Variants in ZMYM4 observed in about 807,000 individuals in gnomAD.
ZMYM4 encodes zinc finger MYM-type containing 4.
A neutral mutation model predicts 183.2 loss-of-function variants in ZMYM4; 31 were observed. The observed-to-expected ratio is 0.17, with a 90% CI of 0.13 to 0.23. The LOEUF (loss-of-function observed/expected upper bound fraction) is 0.23, where lower values mean the gene tolerates loss of function less well. ZMYM4 is among the 10% of genes least tolerant of loss of function. The probability of loss-of-function intolerance (pLI) is 1.00; values close to 1 mark genes in which losing one functional copy is unlikely to be tolerated. For missense variants in ZMYM4, 1,273 were observed against 1,840.3 expected, an observed-to-expected ratio of 0.69 and a Z score of 5.64; for synonymous variants, 592 against 631.2, an observed-to-expected ratio of 0.94 and a Z score of 0.93.
chr1:35,406,446 A>G (rs1215197213), intron 25 of ZMYM4, among the ~76,000 whole-genome samples: 1 of 152,148 alleles, frequency 6.6e-6, no homozygotes, highest in Non-Finnish European at 1.5e-5. Context: ...CCTAAGCCCA[A>G]GAGTTCTGAG....
Position 35,415,551 on chromosome 1 carries a change from C to A in ZMYM4, c.4146C>A (p.Thr1382=). The part of the protein sequence containing the change: ...GAYSPIVLLN[T]LLFFNTKYFQ... ...ACTCACCAATCGTCCTTTTAAACACCCTCCTTTTCTTCAATACCAAATACT... is the reference window on the plus strand; with the variant it reads ...ACTCACCAATCGTCCTTTTAAACACACTCCTTTTCTTCAATACCAAATACT... Residue 1382 remains threonine, a synonymous_variant, in exon 28 of 30, where the codon ACC becomes ACA. Coordinates refer to ENST00000314607, the MANE Select transcript of ZMYM4 (RefSeq NM_005095.3). 1.2e-6 allele frequency: 2 copies of A among 1,614,098 alleles called. No individual in the cohort carries two copies. Among genetic ancestry groups the A allele is most frequent in the South Asian group, 2.2e-5 (2 of 91,078 alleles).
At chr1:35,308,441 C>T (rs533306465) in intron 1 of ZMYM4, among the ~76,000 whole-genome samples, 1 of 152,310 alleles carries the variant, frequency 6.6e-6, no homozygotes, top group Non-Finnish European at 1.5e-5. Context: ...TGAGAAATTT[C>T]AGACTTTTAG....
At chr1:35,415,386 C>T (rs1317236637) in intron 27 of ZMYM4, 80 bp from the exon 28 acceptor site, 2 of 1,557,544 alleles carry the variant, frequency 1.3e-6, no homozygotes, top group Middle Eastern at 1.7e-4. Context: ...TTATATCTCC[C>T]TGTCTTAGAA....
At chr1:35,272,174 T>G (rs928999526) in intron 1 of ZMYM4, among the ~76,000 whole-genome samples, 14 of 152,222 alleles carry the variant, frequency 9.2e-5, no homozygotes, top group Admixed American at 7.9e-4. Context: ...CTTTGGAAAT[T>G]GACTGCCTTG....
intron 1 of ZMYM4, among the ~76,000 whole-genome samples, chr1:35,297,298 A>G (rs936041644): frequency 2.0e-5 from 3 of 152,158 alleles, no homozygotes; most frequent in Admixed American, 6.6e-5. Context: ...ATTTTCAGCA[A>G]TATCAACCTG....
intron 13 of ZMYM4, among the ~76,000 whole-genome samples, chr1:35,387,962 C>A (rs989412056): frequency 6.6e-6 from 1 of 152,088 alleles, no homozygotes; most frequent in Non-Finnish European, 1.5e-5. Context: ...TAAGTTTATA[C>A]TTTTATTGTC....
chr1:35,282,721 A>G (rs993218656), intron 1 of ZMYM4, among the ~76,000 whole-genome samples: 1 of 151,908 alleles, frequency 6.6e-6, no homozygotes, highest in Non-Finnish European at 1.5e-5. Flanking sequence ...ATGCCCAGCT[A>G]ATTTTAGTTT....
chr1:35,339,706 ATT>A (rs1389868608), intron 2 of ZMYM4, among the ~76,000 whole-genome samples: 1 of 152,052 alleles, frequency 6.6e-6, no homozygotes. Flanking sequence ...ACTGTATATT[ATT>A]TCCTAAAATC....
At chr1:35,305,775 C>T (rs1641508767) in intron 1 of ZMYM4, among the ~76,000 whole-genome samples, 1 of 151,746 alleles carries the variant, frequency 6.6e-6, no homozygotes, top group African/African-American at 2.4e-5. Context: ...TCTCCAACTC[C>T]AGGCCTCAAG....
intron 1 of ZMYM4, among the ~76,000 whole-genome samples, chr1:35,285,053 T>G (rs896396673): frequency 6.6e-6 from 1 of 152,210 alleles, no homozygotes; most frequent in African/African-American, 2.4e-5. Context: ...CCTGTTCTTG[T>G]GTCAGTACTA....
At chr1:35,383,638 G>A (rs920224185) in intron 9 of ZMYM4, among the ~76,000 whole-genome samples, 1 of 152,096 alleles carries the variant, frequency 6.6e-6, no homozygotes, top group Admixed American at 6.6e-5. Context: ...GGTACTAAAA[G>A]TTACCTGGAT....
intron 1 of ZMYM4, among the ~76,000 whole-genome samples, chr1:35,284,153 T>C (rs1230913611): frequency 6.6e-6 from 1 of 151,616 alleles, no homozygotes; most frequent in Non-Finnish European, 1.5e-5. Context: ...ATTTTTTGTA[T>C]TTTTAGTAGA....
At chr1:35,352,386 G>GCA (rs374281470) in intron 2 of ZMYM4, among the ~76,000 whole-genome samples, 19,845 of 128,278 alleles carry the variant, frequency 0.15, 1,744 homozygotes, top group Middle Eastern at 0.19. Flanking sequence ...AAAAATTAGC[G>GCA]CACACACACA....
Position 35,381,284 on chromosome 1 carries a change from A to G in ZMYM4, c.1207A>G (p.Ile403Val), listed in dbSNP as rs1218278370. 1 of 1,608,008 alleles carries G rather than the reference A, an allele frequency of 6.2e-7. No individual in the cohort carries two copies. Among genetic ancestry groups the G allele is most frequent in the African/African-American group, 1.3e-5 (1 of 74,648 alleles). ...AGACATTTTAAATCCAAAGGATGTGATCAGTGCCCAGTTTGAAAACACCAC... is the reference window on the plus strand; with the variant it reads ...AGACATTTTAAATCCAAAGGATGTGGTCAGTGCCCAGTTTGAAAACACCAC... ...SKDILNPKDV[I>V]SAQFENTTTS... Residue 403 changes from isoleucine (I) to valine (V), a missense_variant, in exon 8 of 30, where the codon ATC becomes GTC. By Grantham distance (29) the Ile-to-Val change is conservative (BLOSUM62 3). Transcript: ENST00000314607.
In ZMYM4 at chr1:35,405,070, A is replaced by G. The variant is rs768315998; in HGVS notation, c.3576A>G (p.Gln1192=). 4 of 1,614,078 alleles carry G rather than the reference A, an allele frequency of 2.5e-6. No homozygotes were observed. Among genetic ancestry groups the G allele is most frequent in the Non-Finnish European group, 1.7e-6 (2 of 1,179,982 alleles). Residue 1192 remains glutamine (Q), a synonymous_variant, in exon 24 of 30, where the codon CAA becomes CAG. Coordinates refer to ENST00000314607, the MANE Select transcript of ZMYM4 (RefSeq NM_005095.3). ...CTGTGGAGCCCAGGAGTCTTATTCAAGGAGCCTTTCAAGGCTGCTCAGTGT... is the reference window on the plus strand; with the variant it reads ...CTGTGGAGCCCAGGAGTCTTATTCAGGGAGCCTTTCAAGGCTGCTCAGTGT... ...IVAVEPRSLI[Q]GAFQGCSVSG...
chr1:35,302,218 T>G (rs1335067530), intron 1 of ZMYM4, among the ~76,000 whole-genome samples: 1 of 139,008 alleles, frequency 7.2e-6, no homozygotes, highest in East Asian at 2.0e-4. Flanking sequence ...TTTTTTTTTT[T>G]TTTTTTTGTG....
In ZMYM4 at chr1:35,389,973, G is replaced by A. The variant is rs1306780196; in HGVS notation, c.2462G>A (p.Arg821Gln). The stretch of plus-strand genomic sequence containing the variant: ...ATGGCCAAATGTGATGCTTGTAAGC[G>A]ACAGGGTAAACTCAGTGAGTCCTTG... ...YQMAKCDACK[R>Q]QGKLSESLKW... Residue 821 changes from arginine to glutamine, a missense_variant, in exon 15 of 30, where the codon CGA becomes CAA. Arg to Gln is a conservative substitution (Grantham distance 43, BLOSUM62 1). Around this residue, in one of 6 missense-constraint regions of ZMYM4, gnomAD observed 319 missense variants for 518.1 expected, o/e 0.62. Transcript: ENST00000314607. The surrounding 1 kb of genome is among the most constrained non-coding windows in gnomAD (Gnocchi z 4.0). 11 of 1,610,592 alleles carry A rather than the reference G, an allele frequency of 6.8e-6. No homozygotes were observed. The highest frequency in any genetic ancestry group is 1.7e-5 in the Admixed American group (1 of 59,780).
intron 5 of ZMYM4, among the ~76,000 whole-genome samples, chr1:35,365,263 T>A (rs1570445178): frequency 1.4e-5 from 2 of 147,402 alleles, no homozygotes; most frequent in Non-Finnish European, 3.0e-5. Context: ...TTTTTTTTTT[T>A]AGTCTACCAA....
At chr1:35,378,500 A>G (rs1216071217) in intron 7 of ZMYM4, among the ~76,000 whole-genome samples, 2 of 152,244 alleles carry the variant, frequency 1.3e-5, no homozygotes, top group Admixed American at 1.3e-4. Context: ...CAGGTATGAA[A>G]GTAACATTAA....
Sources: gnomAD v4.1 joint callset for allele counts (sites outside exome capture counted in the v4.1 genomes callset) on GRCh38, gnomAD v4.1.1 for gene constraint, gnomAD v4.1.1 regional missense constraint, Gnocchi (gnomAD v3.1) non-coding constraint, MANE v1.5 for transcripts, NCBI Gene and HGNC (gene_info 2026-07-23, HGNC 2026-07-21) for gene names.